The following PDE4DIP variants were observed in gnomAD, a reference collection of about 807,000 sequenced individuals.
PDE4DIP encodes phosphodiesterase 4D interacting protein.
In PDE4DIP, 59 loss-of-function variants were observed where a neutral mutation model predicts 221.4. The observed-to-expected ratio is 0.27, with a 90% CI of 0.22 to 0.33. The LOEUF (loss-of-function observed/expected upper bound fraction) is 0.33, where lower values mean the gene tolerates loss of function less well. PDE4DIP is among the 10% of genes least tolerant of loss of function. PDE4DIP has a pLI of 1.00. For missense variants in PDE4DIP, 1,036 were observed against 2,154.2 expected, an observed-to-expected ratio of 0.48 and a Z score of 10.28; for synonymous variants, 404 against 815.9, an observed-to-expected ratio of 0.50 and a Z score of 8.60.
intron 32 of PDE4DIP, among the ~76,000 whole-genome samples, chr1:149,013,697 T>C (rs587661489): frequency 7.5e-4 from 80 of 106,448 alleles, no homozygotes; most frequent in African/African-American, 3.0e-3. Flanking sequence ...TTTCTAGTGA[T>C]GCAAGACAAC....
intron 5 of PDE4DIP, chr1:148,953,587 A>G (rs782041761): frequency 1.2e-6 from 2 of 1,609,132 alleles, no homozygotes; most frequent in Non-Finnish European, 1.7e-6. Context: ...AGGAACTTGG[A>G]AAGTGTGACT....
intron 14 of PDE4DIP, among the ~76,000 whole-genome samples, chr1:148,970,426 C>T (rs2058990321): frequency 6.6e-6 from 1 of 152,038 alleles, no homozygotes. Flanking sequence ...AAAAATTATG[C>T]ACTGCTGGTA....
At chr1:148,970,896 A>G (rs1293210784) in intron 14 of PDE4DIP, among the ~76,000 whole-genome samples, 2 of 152,222 alleles carry the variant, frequency 1.3e-5, no homozygotes, top group Non-Finnish European at 2.9e-5. Flanking sequence ...TGAAAAGTGG[A>G]AGGTTTTTTC....
chr1:148,952,128 C>G (rs1206791656), intron 5 of PDE4DIP: 1 of 1,027,284 alleles, frequency 9.7e-7, no homozygotes, highest in African/African-American at 1.7e-5. Context: ...GCGGGAGGAT[C>G]CTTGAGGGCA....
chr1:148,906,373 TG>T (rs1367046302), intron 1 of PDE4DIP, among the ~76,000 whole-genome samples: 1 of 76,996 alleles, frequency 1.3e-5, no homozygotes, highest in East Asian at 3.1e-4. Flanking sequence ...TATTGCGGCT[TG>T]TTTTGTGGCC....
chr1:148,978,305 G>A (rs782801437), exon 19 of PDE4DIP: 7 of 1,611,474 alleles, frequency 4.3e-6, no homozygotes, highest in South Asian at 2.2e-5. Context: ...GGTTGATCCT[G>A]AAGACATACC....
rs587772022 is a variant in PDE4DIP, at chr1:148,985,354, A to G, written c.2815+3957A>G. 5 of 152,092 alleles carry G rather than the reference A, an allele frequency of 3.3e-5. 1 individual carries two copies. In the South Asian group the frequency reaches 6.2e-4, roughly 19 times the overall value. 9.4% of individuals were successfully genotyped at this position (152,092 alleles called of 1,614,324 possible). On this transcript the variant is annotated intron_variant, in intron 21 of 43. Transcript: ENST00000369354. ...ATATTTCAGTTATAATGTTTTTTAT[A>G]TAGTGTATATTTCAGTTATTTCAGT...
At chr1:148,934,805 T>C (rs1207157529) in intron 4 of PDE4DIP, among the ~76,000 whole-genome samples, 1 of 152,040 alleles carries the variant, frequency 6.6e-6, no homozygotes, top group Non-Finnish European at 1.5e-5. Context: ...GGTTTCACTA[T>C]GTTGGTCAGG....
chr1:148,946,152 A>G (rs1479585479), intron 5 of PDE4DIP, among the ~76,000 whole-genome samples: 1 of 152,024 alleles, frequency 6.6e-6, no homozygotes, highest in Non-Finnish European at 1.5e-5. Flanking sequence ...GAATTTCATA[A>G]AAGTCTAGAA....
chr1:149,028,790 A>G (rs2075906928), intron 41 of PDE4DIP, 87 bp downstream of exon 44: 1 of 749,418 alleles, frequency 1.3e-6, no homozygotes, highest in Non-Finnish European at 2.2e-6. Flanking sequence ...CAGCTTTTCC[A>G]GAAAATCAGG....
chr1:148,819,916 C>CTTTTTTTTTTT (rs10699564), intron 1 of PDE4DIP, among the ~76,000 whole-genome samples: 9 of 34,804 alleles, frequency 2.6e-4, no homozygotes, highest in Non-Finnish European at 3.7e-4. Flanking sequence ...CTGTTTATAT[C>CTTTTTTTTTTT]TTTTTTTTTT....
intron 22 of PDE4DIP, among the ~76,000 whole-genome samples, chr1:148,996,070 T>C (rs1199758087): frequency 6.6e-6 from 1 of 152,250 alleles, no homozygotes; most frequent in Non-Finnish European, 1.5e-5. Flanking sequence ...CAGATGTACC[T>C]TAAGGTTTTT....
exon 23 of PDE4DIP, chr1:148,998,326 C>A (rs369255795): frequency 6.2e-7 from 1 of 1,609,608 alleles, no homozygotes; most frequent in Non-Finnish European, 8.5e-7. Flanking sequence ...ACTGAAGGAG[C>A]TAAAGGCTCA....
intron 22 of PDE4DIP, among the ~76,000 whole-genome samples, chr1:148,994,522 T>A (rs1270404558): frequency 2.0e-5 from 3 of 150,842 alleles, no homozygotes; most frequent in Non-Finnish European, 4.4e-5. Context: ...AAAGCTATTT[T>A]AAAAAAATAG....
intron 5 of PDE4DIP, chr1:148,952,192 C>T: frequency 9.6e-7 from 1 of 1,038,374 alleles, no homozygotes; most frequent in South Asian, 4.6e-5. Context: ...GGCTGTGGCC[C>T]GCGCCAGTAG....
intron 27 of PDE4DIP, chr1:149,006,246 CACAG>C (rs2067008860): frequency 6.6e-6 from 1 of 152,020 alleles, no homozygotes; most frequent in Non-Finnish European, 1.5e-5. Flanking sequence ...GTGTTGAAAA[CACAG>C]ACATTCATCT....
chr1:148,815,298 C>A (rs1285701913), intron 1 of PDE4DIP, among the ~76,000 whole-genome samples: 14 of 140,592 alleles, frequency 1.0e-4, no homozygotes, highest in Non-Finnish European at 2.2e-4. Context: ...CGCCTGTAAT[C>A]CCAGCACTTT....
At chr1:148,952,046 A>C in intron 5 of PDE4DIP, 1 of 1,009,958 alleles carries the variant, frequency 9.9e-7, no homozygotes, top group Non-Finnish European at 1.2e-6. Flanking sequence ...AGGACGTGGC[A>C]CTGTCCGAGA....
intron 14 of PDE4DIP, among the ~76,000 whole-genome samples, chr1:148,971,655 C>T (rs1373748233): frequency 2.6e-5 from 4 of 151,546 alleles, no homozygotes; most frequent in Admixed American, 1.3e-4. Flanking sequence ...CTAAAGTCAC[C>T]ATGCTATCAT....
Sources: allele counts gnomAD v4.1 joint callset (sites outside exome capture counted in the v4.1 genomes callset), GRCh38; gene constraint gnomAD v4.1.1; transcripts MANE v1.5; gene names NCBI Gene and HGNC (gene_info 2026-07-23, HGNC 2026-07-21).